The following MRPL1 variants were observed in gnomAD, a reference collection of about 807,000 sequenced individuals.
MRPL1 encodes the protein large ribosomal subunit protein uL1m.
In MRPL1, 28 loss-of-function variants were observed where a neutral mutation model predicts 38.0. That is an observed-to-expected ratio of 0.74 (90% CI 0.55 to 1.01). The LOEUF (loss-of-function observed/expected upper bound fraction) is 1.01. Ranked by LOEUF, MRPL1 falls within the 50% of genes least tolerant of loss-of-function variation. The pLI is 0.00. For synonymous variants in MRPL1, 123 were observed against 126.7 expected (o/e 0.97, Z 0.20); for missense variants, 358 against 389.8 (o/e 0.92, Z 0.69).
chr4:77,907,014 G>A, intron 6 of MRPL1: 1 of 985,320 alleles, frequency 1.0e-6, no homozygotes, highest in Non-Finnish European at 1.2e-6. Context: ...CTGAACAACT[G>A]CTGAGATAAT....
chr4:77,937,327 G>T (rs1045800302), intron 7 of MRPL1, among the ~76,000 whole-genome samples: 7 of 152,108 alleles, frequency 4.6e-5, no homozygotes, highest in African/African-American at 1.7e-4. Flanking sequence ...TTGGAGCCAG[G>T]CTTTGATGGC....
intron 6 of MRPL1, among the ~76,000 whole-genome samples, chr4:77,902,011 T>G (rs1252314677): frequency 6.6e-6 from 1 of 152,232 alleles, no homozygotes; most frequent in Non-Finnish European, 1.5e-5. Context: ...ACGTATGTGT[T>G]CTGATTTGCA....
chr4:77,952,484 TCCAGGTC>T lies in MRPL1; in HGVS notation c.860-2_864del, dbSNP rs1737432757. On this transcript the variant is annotated splice_acceptor_variant and splice_polypyrimidine_tract_variant and coding_sequence_variant and intron_variant, in exon 9 of 9. Transcript: ENST00000315567. LOFTEE classifies it high-confidence loss of function. ...ATCAAAGTTGATTCTCGTTTTTGTT[TCCAGGTC>T]CCTTTGTGGTACGTGCTTTCCTTCG... The T allele has an allele frequency of 6.2e-7, 1 of 1,602,920 alleles. No individual in the cohort carries two copies. The highest frequency in any genetic ancestry group is 8.5e-7 in the Non-Finnish European group (1 of 1,171,046).
rs185240326 is a variant in MRPL1, at chr4:77,882,891, T to C, written c.144-351T>C. Among the ~76,000 whole-genome samples the C allele has an allele frequency of 7.9e-5, 12 of 152,338 alleles. No individual in the cohort carries two copies. In the East Asian group the frequency reaches 2.3e-3, roughly 29 times the overall value. ...ACTTTGAGGTCATTTCCTCTATAAC[T>C]TTTCCCTAGCCTCCTAGGCTGGATT... On this transcript the variant is annotated intron_variant, in intron 2 of 8. Transcript: ENST00000315567.
chr4:77,910,695 T>C (rs1048351797), intron 7 of MRPL1, among the ~76,000 whole-genome samples: 6 of 152,214 alleles, frequency 3.9e-5, no homozygotes, highest in Non-Finnish European at 2.9e-5. Flanking sequence ...TCTGGGTAGA[T>C]GGGACTACAG....
chr4:77,919,988 A>C (rs1008286128), intron 7 of MRPL1, among the ~76,000 whole-genome samples: 2 of 152,110 alleles, frequency 1.3e-5, no homozygotes, highest in African/African-American at 4.8e-5. Flanking sequence ...TCTAACTAAA[A>C]AATCTTTGGG....
chr4:77,878,448 G>C (rs1735451323), intron 2 of MRPL1, among the ~76,000 whole-genome samples: 1 of 152,146 alleles, frequency 6.6e-6, no homozygotes, highest in Non-Finnish European at 1.5e-5. Flanking sequence ...TAGTTTTACA[G>C]AGGTTGTACG....
chr4:77,881,509 T>C (rs1735540850), intron 2 of MRPL1, among the ~76,000 whole-genome samples: 1 of 147,092 alleles, frequency 6.8e-6, no homozygotes. Context: ...ACTGACATAA[T>C]CAGCTCACTG....
chr4:77,866,467 T>A (rs1735145228), intron 1 of MRPL1, among the ~76,000 whole-genome samples: 1 of 152,234 alleles, frequency 6.6e-6, no homozygotes, highest in Admixed American at 6.5e-5. Flanking sequence ...AAATTGTACA[T>A]GTGGCTTACA....
chr4:77,872,684 G>A (rs1735310077), intron 2 of MRPL1, among the ~76,000 whole-genome samples: 1 of 152,170 alleles, frequency 6.6e-6, no homozygotes, highest in African/African-American at 2.4e-5. Context: ...CCAAGATGGT[G>A]AAACCCTATC....
rs80285882 is a variant in MRPL1, at chr4:77,951,212, A to T, written c.860-1277A>T. On this transcript the variant is annotated intron_variant, in intron 8 of 8. Transcript: ENST00000315567. ...AATGAAGCCACTTAACGTTGTTCTT[A>T]TGAAAAGCATTTTAGTTTTTAGGGA... Among the ~76,000 whole-genome samples, 358 of 152,340 alleles carry T rather than the reference A, an allele frequency of 2.4e-3. 3 individuals carry two copies. Among genetic ancestry groups the T allele is most frequent in the African/African-American group, 7.9e-3 (329 of 41,586 alleles).
intron 6 of MRPL1, 34 bp from the exon 7 acceptor site, chr4:77,909,232 A>G: frequency 8.2e-7 from 1 of 1,215,288 alleles, no homozygotes; most frequent in East Asian, 2.3e-5. Flanking sequence ...ACTTATTTGG[A>G]GTGATAATTG....
At chr4:77,895,448 CAG>C (rs1351784536) in intron 6 of MRPL1, among the ~76,000 whole-genome samples, 9 of 151,980 alleles carry the variant, frequency 5.9e-5, no homozygotes, top group African/African-American at 1.2e-4. Context: ...TTAATGGAAA[CAG>C]GGAGTACAAT....
In MRPL1 at chr4:77,898,988, GA is replaced by G. The variant is rs1560465408; in HGVS notation, c.670+4739del. On this transcript the variant is annotated intron_variant, in intron 6 of 8. Transcript: ENST00000315567. ...AACTTTTTACAGTTACTTATGCACA[GA>G]TTTTTTTTTTTTTTTTTTTTTTGAG... Among the ~76,000 whole-genome samples the G allele has an allele frequency of 3.0e-3, 416 of 140,502 alleles. 3 individuals carry two copies. The highest frequency in any genetic ancestry group is 4.9e-3 in the African/African-American group (183 of 37,154). 92.2% of individuals were successfully genotyped at this position (140,502 alleles called of 152,430 possible).
chr4:77,942,340 G>A (rs181317984), intron 7 of MRPL1, among the ~76,000 whole-genome samples: 1 of 152,300 alleles, frequency 6.6e-6, no homozygotes, highest in East Asian at 1.9e-4. Flanking sequence ...ATATTCTGCA[G>A]TTGTTGGGTA....
At chr4:77,899,719 A>G (rs549392168) in intron 6 of MRPL1, among the ~76,000 whole-genome samples, 5 of 152,348 alleles carry the variant, frequency 3.3e-5, no homozygotes, top group African/African-American at 9.6e-5. Flanking sequence ...ATCGTATAGT[A>G]TAGGTTATGT....
intron 7 of MRPL1, among the ~76,000 whole-genome samples, chr4:77,916,061 C>G (rs754121882): frequency 3.9e-5 from 6 of 152,008 alleles, no homozygotes; most frequent in Non-Finnish European, 5.9e-5. Flanking sequence ...CTTTTTCCCC[C>G]AATGGCTCTT....
intron 2 of MRPL1, among the ~76,000 whole-genome samples, chr4:77,879,798 G>A (rs967369062): frequency 3.3e-5 from 5 of 152,184 alleles, no homozygotes; most frequent in African/African-American, 9.7e-5. Context: ...GAGATGTGTT[G>A]TATGCATCCA....
At chr4:77,888,381 T>A (rs1735730510) in intron 5 of MRPL1, among the ~76,000 whole-genome samples, 1 of 152,152 alleles carries the variant, frequency 6.6e-6, no homozygotes, top group South Asian at 2.1e-4. Flanking sequence ...GGCACATGCC[T>A]GTAATCCTAG....
Sources: allele counts gnomAD v4.1 joint callset (sites outside exome capture counted in the v4.1 genomes callset), GRCh38; gene constraint gnomAD v4.1.1; transcripts MANE v1.5; gene names NCBI Gene and HGNC (gene_info 2026-07-23, HGNC 2026-07-21).